Variants in FBXL16 observed in about 807,000 individuals in gnomAD.
FBXL16 encodes the protein F-box/LRR-repeat protein 16.
Under a neutral mutation model 36.7 loss-of-function variants are expected in FBXL16, and 7 were observed. The ratio of observed to expected loss-of-function variants is 0.19; its 90% CI spans 0.11 to 0.36. The LOEUF (loss-of-function observed/expected upper bound fraction) is 0.36, where lower values mean the gene tolerates loss of function less well. Among genes scored for constraint, FBXL16 ranks in the 10% least tolerant of loss-of-function variants. The pLI is 1.00. For missense variants in FBXL16, 463 were observed against 659.4 expected (o/e 0.70, Z 3.26); for synonymous variants, 355 against 308.7 (o/e 1.15, Z -1.57).
At chr16:694,576 T>G in intron 5 of FBXL16, 58 bp downstream of exon 5, 1 of 1,549,350 alleles carries the variant, frequency 6.5e-7, no homozygotes. Context: ...GTTGGGCGGG[T>G]GGACTAAGTG....
At position 702,249 on chromosome 16, in the gene FBXL16, T is replaced by G. The variant is rs375662291; in HGVS notation, c.-15+3263A>C. On this transcript the variant is annotated intron_variant, in intron 1 of 5. Coordinates refer to ENST00000397621, the MANE Select transcript of FBXL16 (RefSeq NM_153350.4). The stretch of plus-strand genomic sequence containing the variant: ...TGCCATTCCTCCTCCCCTGCTCCTC[T>G]GCCTGGGCACACGCCGTTCCCCCTG... Among the ~76,000 whole-genome samples, 49 of 152,250 alleles carry G rather than the reference T, an allele frequency of 3.2e-4. No homozygotes were observed. In the South Asian group the frequency reaches 9.9e-3, roughly 31 times the overall value.
intron 4 of FBXL16, 47 bp from the exon 5 acceptor site, chr16:694,744 G>T (rs528931889): frequency 1.9e-6 from 3 of 1,555,676 alleles, no homozygotes; most frequent in South Asian, 1.2e-5. Flanking sequence ...TCGCACCGAG[G>T]CGGAGGGCAC....
At chr16:704,628 G>C (rs1163699242) in intron 1 of FBXL16, among the ~76,000 whole-genome samples, 1 of 152,238 alleles carries the variant, frequency 6.6e-6, no homozygotes, top group Non-Finnish European at 1.5e-5. Flanking sequence ...CCCCACAGAG[G>C]GGGTGGGCTG....
chr16:698,815 G>A (rs2040034495), intron 1 of FBXL16, among the ~76,000 whole-genome samples: 2 of 151,168 alleles, frequency 1.3e-5, no homozygotes, highest in Admixed American at 6.6e-5. Flanking sequence ...TTGGGAGGCT[G>A]AGGCAGGAGA....
chr16:695,744 C>A lies in FBXL16; in HGVS notation c.813G>T (p.Ala271=). 6.2e-7 allele frequency: 1 copy of A among 1,603,272 alleles called. No homozygotes were observed. The highest frequency in any genetic ancestry group is 8.5e-7 in the Non-Finnish European group (1 of 1,177,760). ...AAISQLLPNL[A]ELSLQAYHVT... is the part of the protein sequence containing the mutation. ...CGTGGTAGGCCTGCAGGCTCAGCTC[C>A]GCCAGGTTGGGCAGCAGCTGCGAGA... Residue 271 remains alanine (A), a synonymous_variant, in exon 3 of 6, where the codon GCG becomes GCT. Transcript: ENST00000397621.
In FBXL16 at chr16:694,985, C is replaced by T; in HGVS notation, c.1227+7G>A. The T allele has an allele frequency of 6.5e-7, 1 of 1,529,912 alleles. No homozygotes were observed. Among genetic ancestry groups the T allele is most frequent in the South Asian group, 1.3e-5 (1 of 77,688 alleles). 94.8% of individuals were successfully genotyped at this position (1,529,912 alleles called of 1,614,324 possible). On this transcript the variant is annotated splice_region_variant and intron_variant, in intron 4 of 5. Coordinates refer to ENST00000397621, the MANE Select transcript of FBXL16 (RefSeq NM_153350.4). Reference sequence around the variant, plus strand: ...ATCCCCCAATCCCGGGGCGTGAGAGCCGGTACCTGGCAGCACCATCGCAGG... The same window carrying T: ...ATCCCCCAATCCCGGGGCGTGAGAGTCGGTACCTGGCAGCACCATCGCAGG...
intron 1 of FBXL16, among the ~76,000 whole-genome samples, chr16:704,224 G>A (rs1352407522): frequency 2.0e-5 from 3 of 152,174 alleles, no homozygotes; most frequent in Non-Finnish European, 4.4e-5. Flanking sequence ...CTGGTTCAAG[G>A]GCCCCGTGCC....
intron 2 of FBXL16, among the ~76,000 whole-genome samples, chr16:696,361 A>G (rs2040011443): frequency 6.6e-6 from 1 of 152,028 alleles, no homozygotes; most frequent in Non-Finnish European, 1.5e-5. Flanking sequence ...CCCGGGTTCA[A>G]GCGATTCTCC....
intron 1 of FBXL16, among the ~76,000 whole-genome samples, chr16:704,285 C>T (rs990865133): frequency 2.5e-4 from 38 of 152,290 alleles, no homozygotes; most frequent in African/African-American, 7.7e-4. Context: ...AGGTAGGACT[C>T]GTCCAGCCGC....
chr16:700,916 G>A (rs1404462318), intron 1 of FBXL16, among the ~76,000 whole-genome samples: 1 of 152,208 alleles, frequency 6.6e-6, no homozygotes, highest in Non-Finnish European at 1.5e-5. Flanking sequence ...TCAGCAGGGA[G>A]GGGCCCCGGG....
At chr16:704,133 T>A in intron 1 of FBXL16, among the ~76,000 whole-genome samples, 1 of 152,156 alleles carries the variant, frequency 6.6e-6, no homozygotes, top group Admixed American at 6.5e-5. Flanking sequence ...GGAGATGGGG[T>A]CTTCGGGTGG....
chr16:702,346 G>A (rs1027180184), intron 1 of FBXL16, among the ~76,000 whole-genome samples: 2 of 152,116 alleles, frequency 1.3e-5, no homozygotes, highest in Admixed American at 6.5e-5. Flanking sequence ...CTGGTGCGAG[G>A]TCGCCCCTGC....
At chr16:696,422 C>T (rs1357119980) in intron 2 of FBXL16, among the ~76,000 whole-genome samples, 1 of 152,168 alleles carries the variant, frequency 6.6e-6, no homozygotes, top group African/African-American at 2.4e-5. Context: ...CACCACCAGG[C>T]CTGGCTAATT....
At chr16:694,811 G>A (rs1242527885) in intron 4 of FBXL16, 114 bp from the exon 5 acceptor site, 4 of 1,317,496 alleles carry the variant, frequency 3.0e-6, no homozygotes, top group South Asian at 2.6e-5. Context: ...CGTCCCCCCC[G>A]GAGCCGGGAG....
chr16:694,757 T>C, intron 4 of FBXL16, 60 bp from the exon 5 acceptor site: 1 of 1,518,522 alleles, frequency 6.6e-7, no homozygotes, highest in Non-Finnish European at 9.0e-7. Context: ...GAGGGCACCC[T>C]GGGGTCCATG....
In FBXL16 at chr16:694,974, G is replaced by T. The variant is rs1419894928; in HGVS notation, c.1227+18C>A. 2.6e-6 allele frequency: 4 copies of T among 1,524,608 alleles called. No homozygotes were observed. Among genetic ancestry groups the T allele is most frequent in the Non-Finnish European group, 2.6e-6 (3 of 1,132,874 alleles). 94.4% of individuals were successfully genotyped at this position (1,524,608 alleles called of 1,614,324 possible). ...CCTCCCCGCCGATCCCCCAATCCCGGGGCGTGAGAGCCGGTACCTGGCAGC... is the reference window on the plus strand; with the variant it reads ...CCTCCCCGCCGATCCCCCAATCCCGTGGCGTGAGAGCCGGTACCTGGCAGC... On this transcript the variant is annotated intron_variant, in intron 4 of 5. Transcript: ENST00000397621.
intron 3 of FBXL16, 67 bp downstream of exon 3, chr16:695,348 C>CGCCCCGCCCCGCCCCGTGCA: frequency 9.4e-7 from 1 of 1,064,342 alleles, no homozygotes; most frequent in Non-Finnish European, 1.1e-6. Flanking sequence ...CGTGCAGCCC[C>CGCCCCGCCCCGCCCCGTGCA]GCCCCGCCCC....
chr16:705,045 A>C (rs565125093), intron 1 of FBXL16, among the ~76,000 whole-genome samples: 1 of 152,036 alleles, frequency 6.6e-6, no homozygotes, highest in South Asian at 2.1e-4. Flanking sequence ...TCCCGCGGGC[A>C]GTAGCTCAGC....
At chr16:696,076 T>C in intron 2 of FBXL16, 153 bp from the exon 3 acceptor site, 1 of 1,177,130 alleles carries the variant, frequency 8.5e-7, no homozygotes, top group East Asian at 2.7e-5. Flanking sequence ...GCCCAGGGCC[T>C]GGCCAGGGCA....
Sources: allele counts gnomAD v4.1 joint callset (sites outside exome capture counted in the v4.1 genomes callset), GRCh38; gene constraint gnomAD v4.1.1; transcripts MANE v1.5; gene names NCBI Gene and HGNC (gene_info 2026-07-23, HGNC 2026-07-21).